SUCLG2: variants seen among roughly 807,000 people sequenced by gnomAD.
SUCLG2 encodes the protein succinate--CoA ligase [GDP-forming] subunit beta, mitochondrial.
Under a neutral mutation model 47.9 loss-of-function variants are expected in SUCLG2, and 42 were observed. That is an observed-to-expected ratio of 0.88 (90% CI 0.69 to 1.14). The LOEUF is 1.14. SUCLG2 is among the 50% of genes most tolerant of loss of function. The probability of loss-of-function intolerance (pLI) is 0.00; values close to 1 mark genes in which losing one functional copy is unlikely to be tolerated. For missense variants in SUCLG2, 571 were observed against 525.9 expected (o/e 1.09, Z -0.84); for synonymous variants, 195 against 197.3 (o/e 0.99, Z 0.10).
chr3:67,515,832 A>G (rs1416513503), intron 6 of SUCLG2, among the ~76,000 whole-genome samples: 1 of 152,166 alleles, frequency 6.6e-6, no homozygotes, highest in African/African-American at 2.4e-5. Flanking sequence ...ACTCTAATGC[A>G]CAGCTTTCCC....
intron 2 of SUCLG2, among the ~76,000 whole-genome samples, chr3:67,587,205 C>G (rs1445035717): frequency 1.3e-5 from 2 of 152,162 alleles, no homozygotes; most frequent in Non-Finnish European, 2.9e-5. Context: ...GAGGCTGAGA[C>G]AGAACTGGTG....
intron 9 of SUCLG2, chr3:67,409,018 G>C: frequency 6.5e-7 from 1 of 1,535,272 alleles, no homozygotes; most frequent in Non-Finnish European, 8.7e-7. Context: ...AGTATTTCTT[G>C]CTTTCAAATT....
At chr3:67,627,322 A>C (rs1700850517) in intron 1 of SUCLG2, among the ~76,000 whole-genome samples, 1 of 152,222 alleles carries the variant, frequency 6.6e-6, no homozygotes, top group African/African-American at 2.4e-5. Context: ...AACAGGACAA[A>C]GTACACAACT....
Position 67,388,785 on chromosome 3 carries a change from ATTATAG to A in SUCLG2, c.1183+11940_1183+11945del, listed in dbSNP as rs200632996. ...CTTTTATGCTTATTCAACATGGACT[ATTATAG>A]TTATAGTAGATTTAGAGATGTGAGT... is the stretch of plus-strand genomic sequence containing the variant. On this transcript the variant is annotated intron_variant, in intron 10 of 10. Coordinates refer to ENST00000307227, the MANE Select transcript of SUCLG2 (RefSeq NM_003848.4). Among the ~76,000 whole-genome samples, 956 of 152,290 alleles carry A rather than the reference ATTATAG, an allele frequency of 6.3e-3. 7 individuals carry two copies. Among genetic ancestry groups the A allele is most frequent in the African/African-American group, 0.022 (903 of 41,568 alleles).
intron 1 of SUCLG2, among the ~76,000 whole-genome samples, chr3:67,619,640 G>T (rs185650632): frequency 6.6e-6 from 1 of 152,162 alleles, no homozygotes. Context: ...ATTAAGATTC[G>T]CAAAGATACT....
At position 67,617,747 on chromosome 3, in the gene SUCLG2, T is replaced by C. The variant is rs187417865; in HGVS notation, c.85-8151A>G. Reference sequence around the variant, plus strand: ...ACTTCCTCATTTATAAAATAGAGGATACTAACAGGCCCATCTTCAAAGGCT... The same window carrying C: ...ACTTCCTCATTTATAAAATAGAGGACACTAACAGGCCCATCTTCAAAGGCT... On this transcript the variant is annotated intron_variant, in intron 1 of 10. Transcript: ENST00000307227. 3.2e-4 allele frequency among the ~76,000 whole-genome samples: 49 copies of C among 152,300 alleles called. 1 individual carries two copies. In the South Asian group the frequency reaches 9.9e-3, roughly 31 times the overall value.
intron 1 of SUCLG2, among the ~76,000 whole-genome samples, chr3:67,617,035 T>C (rs1700642475): frequency 6.6e-6 from 1 of 152,254 alleles, no homozygotes; most frequent in Admixed American, 6.5e-5. Context: ...AATGTTGTTC[T>C]GTATGCAAAT....
At chr3:67,449,278 T>C (rs1703997661) in intron 9 of SUCLG2, among the ~76,000 whole-genome samples, 1 of 152,216 alleles carries the variant, frequency 6.6e-6, no homozygotes, top group Non-Finnish European at 1.5e-5. Context: ...TCTTAAGCAC[T>C]AGAAAGCCTA....
chr3:67,414,019 G>C (rs1702982909), intron 9 of SUCLG2, among the ~76,000 whole-genome samples: 1 of 152,056 alleles, frequency 6.6e-6, no homozygotes, highest in Non-Finnish European at 1.5e-5. Context: ...TTCTTGGGTT[G>C]AAAAAAATAT....
intron 1 of SUCLG2, among the ~76,000 whole-genome samples, chr3:67,631,314 T>C (rs560639282): frequency 2.6e-5 from 4 of 152,186 alleles, no homozygotes; most frequent in Admixed American, 1.3e-4. Flanking sequence ...CAGCAGGGAA[T>C]GTAAGGCCCA....
chr3:67,565,929 T>C (rs1016614178), intron 2 of SUCLG2, among the ~76,000 whole-genome samples: 1 of 152,252 alleles, frequency 6.6e-6, no homozygotes, highest in Non-Finnish European at 1.5e-5. Flanking sequence ...AAAGTCTTGT[T>C]CATCTTAGCT....
intron 9 of SUCLG2, among the ~76,000 whole-genome samples, chr3:67,473,113 C>A (rs1441860735): frequency 1.3e-5 from 2 of 152,054 alleles, no homozygotes; most frequent in South Asian, 2.1e-4. Context: ...AAAGAAAATA[C>A]TGGAAGTAGA....
intron 9 of SUCLG2, among the ~76,000 whole-genome samples, chr3:67,489,525 C>T (rs1362516326): frequency 6.6e-6 from 1 of 152,102 alleles, no homozygotes; most frequent in East Asian, 1.9e-4. Context: ...ATCTTTTCCA[C>T]TCTATATGAA....
intron 2 of SUCLG2, among the ~76,000 whole-genome samples, chr3:67,572,292 A>C (rs1345639982): frequency 6.6e-6 from 1 of 152,228 alleles, no homozygotes; most frequent in African/African-American, 2.4e-5. Flanking sequence ...AACACCTAGC[A>C]CACTGTATAT....
At chr3:67,594,402 T>C (rs892413009) in intron 2 of SUCLG2, among the ~76,000 whole-genome samples, 5 of 152,200 alleles carry the variant, frequency 3.3e-5, no homozygotes, top group Non-Finnish European at 7.4e-5. Flanking sequence ...GTTTATCAAA[T>C]TGATAAAGCT....
intron 2 of SUCLG2, among the ~76,000 whole-genome samples, chr3:67,576,659 C>A (rs920085657): frequency 6.6e-6 from 1 of 152,174 alleles, no homozygotes; most frequent in Non-Finnish European, 1.5e-5. Flanking sequence ...AAATAGAAAC[C>A]TTCTCGAAGA....
chr3:67,481,856 T>C (rs963365546), intron 9 of SUCLG2, among the ~76,000 whole-genome samples: 3 of 152,140 alleles, frequency 2.0e-5, no homozygotes, highest in African/African-American at 7.2e-5. Flanking sequence ...CTCGATTAGC[T>C]CCTAACTTGA....
At chr3:67,618,399 C>T (rs1308253873) in intron 1 of SUCLG2, among the ~76,000 whole-genome samples, 1 of 152,076 alleles carries the variant, frequency 6.6e-6, no homozygotes, top group Admixed American at 6.5e-5. Context: ...AGCCTGGCAA[C>T]AGAACAAAAC....
chr3:67,400,980 T>G, intron 9 of SUCLG2, 129 bp from the exon 10 acceptor site: 1 of 1,348,714 alleles, frequency 7.4e-7, no homozygotes, highest in Non-Finnish European at 1.0e-6. Context: ...ATACAGAGCA[T>G]AAAATACAAA....
Sources: allele counts gnomAD v4.1 joint callset (sites outside exome capture counted in the v4.1 genomes callset), GRCh38; gene constraint gnomAD v4.1.1; transcripts MANE v1.5; gene names NCBI Gene and HGNC (gene_info 2026-07-23, HGNC 2026-07-21).